Variants in SEMA4D observed in about 807,000 individuals in gnomAD.
The protein encoded by SEMA4D is semaphorin 4D, also known as semaphorin-4D.
In SEMA4D, 22 loss-of-function variants were observed where a neutral mutation model predicts 74.8. That is an observed-to-expected ratio of 0.29 (90% CI 0.21 to 0.42). The LOEUF is 0.42. Ranked by LOEUF, SEMA4D falls within the 10% of genes least tolerant of loss-of-function variation. SEMA4D has a pLI of 1.00. For synonymous variants in SEMA4D, 445 were observed against 463.7 expected (o/e 0.96, Z 0.52); for missense variants, 937 against 1,118.4 (o/e 0.84, Z 2.31).
Position 89,371,458 on chromosome 9 carries a change from G to GGT in SEMA4D, c.1882+5373_1882+5374dup, listed in dbSNP as rs1302103749. Among the ~76,000 whole-genome samples the GGT allele has an allele frequency of 4.7e-4, 48 of 102,438 alleles. 1 individual carries two copies. The highest frequency in any genetic ancestry group is 8.5e-4 in the Non-Finnish European group (42 of 49,130). 67.2% of individuals were successfully genotyped at this position (102,438 alleles called of 152,430 possible). ...TGTGTGGGGTGTGGTGTGTGTCTGG[G>GGT]GTGTGTGTGTGGGGTGTGATGTGTG... On this transcript the variant is annotated intron_variant, in intron 16 of 18. Transcript: ENST00000339861.
chr9:89,480,137 G>C (rs1392959585), intron 1 of SEMA4D, among the ~76,000 whole-genome samples: 3 of 151,750 alleles, frequency 2.0e-5, no homozygotes, highest in Non-Finnish European at 4.4e-5. Flanking sequence ...CACAAACCTT[G>C]AGCTAAACAC....
At chr9:89,434,823 C>T (rs1331489873) in intron 2 of SEMA4D, among the ~76,000 whole-genome samples, 1 of 152,184 alleles carries the variant, frequency 6.6e-6, no homozygotes, top group Non-Finnish European at 1.5e-5. Context: ...GTCTCCAGGG[C>T]CCTGTCAGGG....
At chr9:89,385,678 G>A in intron 13 of SEMA4D, 1 of 648,728 alleles carries the variant, frequency 1.5e-6, no homozygotes, top group Non-Finnish European at 1.9e-6. Flanking sequence ...AAGACCTGGA[G>A]GGGTGTTTGC....
Position 89,378,676 on chromosome 9 carries a change from A to G in SEMA4D, c.*28T>C. ...TCCACGCCTGGACACGTCGCAGCCG[A>G]GGCACCAGCGGGGATGCACAGCCGG... is the stretch of plus-strand genomic sequence containing the variant. On this transcript the variant is annotated 3_prime_UTR_variant, in exon 16 of 16. Coordinates refer to ENST00000422704, the MANE Select transcript of SEMA4D (RefSeq NM_001371194.2). 1 of 1,573,392 alleles carries G rather than the reference A, an allele frequency of 6.4e-7. No homozygotes were observed. Among genetic ancestry groups the G allele is most frequent in the Non-Finnish European group, 8.7e-7 (1 of 1,144,216 alleles).
At chr9:89,408,816 C>G (rs2133860725) in intron 2 of SEMA4D, among the ~76,000 whole-genome samples, 1 of 152,362 alleles carries the variant, frequency 6.6e-6, no homozygotes, top group Non-Finnish European at 1.5e-5. Flanking sequence ...CCAAGCCACA[C>G]CCAGACCCAG....
intron 9 of SEMA4D, among the ~76,000 whole-genome samples, chr9:89,389,667 G>A (rs1839372863): frequency 6.6e-6 from 1 of 152,198 alleles, no homozygotes; most frequent in Non-Finnish European, 1.5e-5. Flanking sequence ...GACTGTGTGT[G>A]GTCTGGAGAG....
intron 3 of SEMA4D, among the ~76,000 whole-genome samples, chr9:89,404,393 G>A (rs1375431837): frequency 6.6e-6 from 1 of 152,192 alleles, no homozygotes; most frequent in African/African-American, 2.4e-5. Flanking sequence ...CACGAGCCTT[G>A]CTGAGTATCT....
intron 2 of SEMA4D, among the ~76,000 whole-genome samples, chr9:89,417,069 T>C (rs1261541354): frequency 6.6e-6 from 1 of 152,208 alleles, no homozygotes; most frequent in Non-Finnish European, 1.5e-5. Flanking sequence ...TACTGCTTAA[T>C]ACAGCACAGA....
chr9:89,472,423 C>A (rs780704229), intron 1 of SEMA4D: 6 of 310,514 alleles, frequency 1.9e-5, no homozygotes, highest in Non-Finnish European at 3.2e-5. Context: ...TTATGAAAGC[C>A]AAATATACAG....
chr9:89,480,945 G>A (rs1022249416), intron 1 of SEMA4D, among the ~76,000 whole-genome samples: 32 of 152,230 alleles, frequency 2.1e-4, no homozygotes, highest in African/African-American at 6.8e-4. Flanking sequence ...GAGAGCAAGC[G>A]AGGGCTCTGA....
intron 1 of SEMA4D, among the ~76,000 whole-genome samples, chr9:89,497,195 C>A (rs1826087388): frequency 6.6e-6 from 1 of 152,216 alleles, no homozygotes; most frequent in Admixed American, 6.5e-5. Context: ...CTGGCATAAC[C>A]CCAGTAGAGC....
chr9:89,402,599 C>A (rs1164591378), intron 4 of SEMA4D, among the ~76,000 whole-genome samples: 1 of 151,774 alleles, frequency 6.6e-6, no homozygotes, highest in African/African-American at 2.4e-5. Flanking sequence ...CCCGGCCTTG[C>A]ATAAGCTGCA....
chr9:89,362,044 C>T (rs1832800168), exon 19 of SEMA4D: 1 of 432,086 alleles, frequency 2.3e-6, no homozygotes, highest in Admixed American at 3.5e-5. Context: ...GCCTTCAGAG[C>T]CTGCTGCCTG....
intron 1 of SEMA4D, among the ~76,000 whole-genome samples, chr9:89,495,276 A>C (rs1470571245): frequency 6.6e-6 from 1 of 152,162 alleles, no homozygotes; most frequent in Non-Finnish European, 1.5e-5. Context: ...AGGGTCACAG[A>C]AGCTGAAAAG....
chr9:89,408,035 T>C (rs1196287869), intron 2 of SEMA4D, among the ~76,000 whole-genome samples: 1 of 152,252 alleles, frequency 6.6e-6, no homozygotes, highest in Non-Finnish European at 1.5e-5. Flanking sequence ...CAATAAATTA[T>C]AGGTTCAGAT....
chr9:89,475,272 A>C (rs1861484099), intron 1 of SEMA4D, among the ~76,000 whole-genome samples: 2 of 152,160 alleles, frequency 1.3e-5, no homozygotes, highest in Admixed American at 6.5e-5. Flanking sequence ...GTCCCCACCC[A>C]CCTGGGAGCC....
rs1270740061 is a variant in SEMA4D at position 89,464,793 on chromosome 9, G to C, written c.-309-8840C>G. On this transcript the variant is annotated intron_variant, in intron 1 of 15. Transcript: ENST00000422704. ...GGTTGCAGGGGTCCCCCGCCTCCTG[G>C]AGAGGGCTGGATAAGCCTGAGTTAC... is the stretch of plus-strand genomic sequence containing the variant. 4.6e-5 allele frequency among the ~76,000 whole-genome samples: 7 copies of C among 152,204 alleles called. No homozygotes were observed. The East Asian group carries it at 1.4e-3, about 29-fold the overall frequency.
chr9:89,459,326 C>CCT (rs2135637241), intron 1 of SEMA4D, among the ~76,000 whole-genome samples: 1 of 152,262 alleles, frequency 6.6e-6, no homozygotes, highest in South Asian at 2.1e-4. Context: ...GCCTCTAGTC[C>CCT]CTGGGGCAGC....
At chr9:89,448,149 T>C (rs1430442894) in intron 2 of SEMA4D, among the ~76,000 whole-genome samples, 1 of 152,134 alleles carries the variant, frequency 6.6e-6, no homozygotes, top group Admixed American at 6.5e-5. Flanking sequence ...TGATTTTCTA[T>C]ATTTTTATAG....
Sources: gnomAD v4.1 joint callset for allele counts (sites outside exome capture counted in the v4.1 genomes callset) on GRCh38, gnomAD v4.1.1 for gene constraint, MANE v1.5 for transcripts, NCBI Gene and HGNC (gene_info 2026-07-23, HGNC 2026-07-21) for gene names.